Variants in ARK2C observed in about 807,000 individuals in gnomAD.
The protein encoded by ARK2C is arkadia (RNF111) C-terminal like ring finger ubiquitin ligase 2C.
the ARK2C span, among the ~76,000 whole-genome samples, chr18:46,342,397 G>C: frequency 3.2e-4 from 48 of 152,216 alleles, no homozygotes; most frequent in Non-Finnish European, 6.5e-4. Flanking sequence ...CAGTGGAAAA[G>C]GATCTTTCCA....
the ARK2C span, among the ~76,000 whole-genome samples, chr18:46,380,137 C>A: frequency 6.6e-6 from 1 of 152,240 alleles, no homozygotes; most frequent in Non-Finnish European, 1.5e-5. Flanking sequence ...CCTCTGCCTT[C>A]TTCTCCATCT....
the ARK2C span, among the ~76,000 whole-genome samples, chr18:46,379,636 C>T: frequency 6.6e-6 from 1 of 152,242 alleles, no homozygotes; most frequent in Non-Finnish European, 1.5e-5. Flanking sequence ...TTCTTCTCCC[C>T]ACTCCCTGAG....
the ARK2C span, among the ~76,000 whole-genome samples, chr18:46,351,192 G>C: frequency 3.3e-5 from 5 of 152,272 alleles, no homozygotes; most frequent in African/African-American, 1.2e-4. Context: ...CACTGGAGTC[G>C]ACACTAAATT....
At chr18:46,389,394 TCA>T in the ARK2C span, among the ~76,000 whole-genome samples, 3 of 152,218 alleles carry the variant, frequency 2.0e-5, no homozygotes, top group Non-Finnish European at 4.4e-5. Context: ...CTGGACAGAC[TCA>T]CACTGTTTTA....
At chr18:46,381,141 C>T in the ARK2C span, among the ~76,000 whole-genome samples, 1 of 152,256 alleles carries the variant, frequency 6.6e-6, no homozygotes, top group East Asian at 1.9e-4. Context: ...AGTGAGACGG[C>T]AACGCTGTTC....
the ARK2C span, among the ~76,000 whole-genome samples, chr18:46,344,179 A>G: frequency 6.6e-6 from 1 of 152,112 alleles, no homozygotes; most frequent in East Asian, 1.9e-4. Context: ...GCGGCTGCTG[A>G]CTCAGCACCA....
At chr18:46,385,788 C>T in the ARK2C span, 4 of 152,164 alleles carry the variant, frequency 2.6e-5, no homozygotes, top group East Asian at 1.9e-4. Context: ...CAGTGTTTGC[C>T]TTTATATTGG....
chr18:46,365,362 C>T, the ARK2C span, among the ~76,000 whole-genome samples: 1 of 152,292 alleles, frequency 6.6e-6, no homozygotes, highest in African/African-American at 2.4e-5. Flanking sequence ...CTATGTCTGT[C>T]TCTAGAAGTC....
the ARK2C span, chr18:46,458,355 G>C: frequency 6.5e-6 from 1 of 152,772 alleles, no homozygotes; most frequent in Admixed American, 6.5e-5. Flanking sequence ...AGATTAGCTG[G>C]AATTCTGCCA....
chr18:46,396,157 C>A, the ARK2C span, among the ~76,000 whole-genome samples: 7 of 152,328 alleles, frequency 4.6e-5, no homozygotes, highest in Admixed American at 3.9e-4. Context: ...TCACTTCCAC[C>A]TTCTTCTATT....
the ARK2C span, among the ~76,000 whole-genome samples, chr18:46,418,297 C>T: frequency 6.6e-6 from 1 of 152,064 alleles, no homozygotes; most frequent in African/African-American, 2.4e-5. Context: ...ACAGAAGCTG[C>T]AGTGAACCAT....
chr18:46,335,746 C>A, the ARK2C span: 1 of 237,544 alleles, frequency 4.2e-6, no homozygotes, highest in Non-Finnish European at 6.9e-6. Flanking sequence ...TCCAGCCCAG[C>A]TGTCCCCAGC....
the ARK2C span, among the ~76,000 whole-genome samples, chr18:46,338,893 C>T: frequency 6.6e-6 from 1 of 152,200 alleles, no homozygotes; most frequent in Non-Finnish European, 1.5e-5. Flanking sequence ...CCCTGCTCCT[C>T]GCTGGCGGGT....
At chr18:46,453,494 CG>C in the ARK2C span, among the ~76,000 whole-genome samples, 8 of 149,620 alleles carry the variant, frequency 5.3e-5, no homozygotes, top group African/African-American at 2.0e-4. Context: ...ATAAAGGGCT[CG>C]GGTAAAAAGG....
chr18:46,408,948 C>T, the ARK2C span, among the ~76,000 whole-genome samples: 1 of 152,194 alleles, frequency 6.6e-6, no homozygotes, highest in Non-Finnish European at 1.5e-5. Context: ...TGCCTAGCTG[C>T]CCGCAGGACC....
chr18:46,427,511 G>A, the ARK2C span, among the ~76,000 whole-genome samples: 1 of 152,230 alleles, frequency 6.6e-6, no homozygotes, highest in Non-Finnish European at 1.5e-5. Context: ...ACCCGGGAGG[G>A]TACTGGCCAG....
chr18:46,427,642 G>A, the ARK2C span, among the ~76,000 whole-genome samples: 1 of 152,194 alleles, frequency 6.6e-6, no homozygotes, highest in African/African-American at 2.4e-5. Flanking sequence ...CCTCAAACCC[G>A]CAGCCCCTTC....
the ARK2C span, chr18:46,386,677 G>T: frequency 1.3e-5 from 2 of 152,272 alleles, no homozygotes; most frequent in Middle Eastern, 6.8e-3. Flanking sequence ...AACAAAACAG[G>T]ATCTTTTCCC....
the ARK2C span, among the ~76,000 whole-genome samples, chr18:46,380,474 G>A: frequency 3.3e-5 from 5 of 152,332 alleles, no homozygotes; most frequent in Non-Finnish European, 5.9e-5. Context: ...TATGAGGGGC[G>A]CTTGCACAGT....
Sources: allele counts gnomAD v4.1 joint callset (sites outside exome capture counted in the v4.1 genomes callset), GRCh38; gene constraint gnomAD v4.1.1; transcripts MANE v1.5; gene names NCBI Gene and HGNC (gene_info 2026-07-23, HGNC 2026-07-21).